SLC2A7: variants seen among roughly 807,000 people sequenced by gnomAD.
The protein encoded by SLC2A7 is solute carrier family 2, facilitated glucose transporter member 7.
In SLC2A7, 50 loss-of-function variants were observed where a neutral mutation model predicts 50.5. The observed-to-expected ratio is 0.99, with a 90% CI of 0.79 to 1.25. The LOEUF (loss-of-function observed/expected upper bound fraction) is 1.25, where lower values mean the gene tolerates loss of function less well. Ranked by LOEUF, SLC2A7 falls within the 50% of genes most tolerant of loss-of-function variation. SLC2A7 has a pLI of 0.00. For synonymous variants in SLC2A7, 308 were observed against 300.4 expected (o/e 1.03, Z -0.26); for missense variants, 683 against 679.1 (o/e 1.01, Z -0.06).
chr1:9,022,494 C>T (rs1640925479), intron 3 of SLC2A7, among the ~76,000 whole-genome samples: 1 of 152,148 alleles, frequency 6.6e-6, no homozygotes, highest in Non-Finnish European at 1.5e-5. Flanking sequence ...CTCAGCCTGA[C>T]CCCAGCCTCA....
Position 9,022,960 on chromosome 1 carries a change from A to G in SLC2A7, c.269T>C (p.Leu90Ser), listed in dbSNP as rs747382381. The change falls in exon 3 of 12, where the codon TTG (leucine) becomes TCG (serine). Residue 90 changes from leucine (L) to serine (S), a missense_variant. Coordinates refer to ENST00000400906, the MANE Select transcript of SLC2A7 (RefSeq NM_207420.3). ...CAGCAGGCCCACGAGCAATGACCCCAACAGGCCGCCCAGAGGAAACATGGA... is the reference window on the plus strand; with the variant it reads ...CAGCAGGCCCACGAGCAATGACCCCGACAGGCCGCCCAGAGGAAACATGGA... The part of the protein sequence containing the change: ...TVSMFPLGGL[L>S]GSLLVGLLVD... The G allele has an allele frequency of 7.4e-6, 12 of 1,614,066 alleles. No homozygotes were observed. Among genetic ancestry groups the G allele is most frequent in the Non-Finnish European group, 1.0e-5 (12 of 1,180,028 alleles).
the SLC2A7 span, among the ~76,000 whole-genome samples, chr1:8,996,198 C>T: frequency 1.3e-5 from 2 of 152,026 alleles, no homozygotes; most frequent in Non-Finnish European, 2.9e-5. Flanking sequence ...GTTTCCCCAG[C>T]GAAACACTGA....
At chr1:9,020,627 G>GA (rs1273439458) in intron 3 of SLC2A7, among the ~76,000 whole-genome samples, 2 of 148,806 alleles carry the variant, frequency 1.3e-5, no homozygotes, top group Non-Finnish European at 3.0e-5. Context: ...AGAGGGCAGA[G>GA]AGCTCCCGAG....
chr1:9,024,278 T>C (rs1295035451), intron 2 of SLC2A7, among the ~76,000 whole-genome samples: 1 of 152,206 alleles, frequency 6.6e-6, no homozygotes, highest in Admixed American at 6.5e-5. Context: ...TGTGTTAGCA[T>C]TAAATGTGAT....
At chr1:9,004,644 G>A in intron 11 of SLC2A7, 108 bp downstream of exon 11, 1 of 1,401,002 alleles carries the variant, frequency 7.1e-7, no homozygotes, top group Admixed American at 1.8e-5. Context: ...ATGTGTCTGA[G>A]AGCCTGTCCC....
chr1:9,007,596 G>A (rs1400917815), intron 9 of SLC2A7, among the ~76,000 whole-genome samples: 1 of 152,228 alleles, frequency 6.6e-6, no homozygotes, highest in African/African-American at 2.4e-5. Context: ...AGCCTCACCT[G>A]ATGAGCGTCA....
chr1:9,001,395 T>C (rs1640569754), downstream of SLC2A7, among the ~76,000 whole-genome samples: 1 of 150,444 alleles, frequency 6.6e-6, no homozygotes, highest in South Asian at 2.1e-4. Context: ...GGGAGTGACA[T>C]GGTCAGGCCT....
At chr1:9,016,047 C>A (rs1640825815) in intron 5 of SLC2A7, among the ~76,000 whole-genome samples, 1 of 152,150 alleles carries the variant, frequency 6.6e-6, no homozygotes, top group African/African-American at 2.4e-5. Context: ...TGTCTCTGAG[C>A]CTCAGGCAAG....
chr1:9,015,366 G>C, intron 5 of SLC2A7, 124 bp from the exon 6 acceptor site: 1 of 1,258,010 alleles, frequency 7.9e-7, no homozygotes, highest in Non-Finnish European at 1.1e-6. Context: ...TTCTCACCAG[G>C]GTACTCCTAC....
downstream of SLC2A7, among the ~76,000 whole-genome samples, chr1:8,999,160 T>C (rs1033248613): frequency 4.6e-5 from 7 of 152,184 alleles, no homozygotes; most frequent in African/African-American, 1.7e-4. Context: ...ATTTCTTTTT[T>C]GTTTTTTTGC....
intron 10 of SLC2A7, among the ~76,000 whole-genome samples, chr1:9,005,735 G>C (rs1447479559): frequency 7.0e-6 from 1 of 143,142 alleles, no homozygotes; most frequent in Non-Finnish European, 1.5e-5. Context: ...GAACTCGGGA[G>C]ATGGAGGTTG....
At chr1:9,018,078 G>T (rs971758716) in intron 5 of SLC2A7, 145 bp downstream of exon 5, 3 of 1,097,020 alleles carry the variant, frequency 2.7e-6, no homozygotes, top group Non-Finnish European at 3.8e-6. Flanking sequence ...CCCCGACCAC[G>T]TCACCCATCC....
downstream of SLC2A7, among the ~76,000 whole-genome samples, chr1:9,002,891 C>T (rs571803326): frequency 6.6e-6 from 1 of 152,204 alleles, no homozygotes; most frequent in Non-Finnish European, 1.5e-5. Context: ...GAAAGGAAGC[C>T]ACGTCGCCAG....
intron 3 of SLC2A7, among the ~76,000 whole-genome samples, chr1:9,020,983 T>G (rs1239210374): frequency 6.6e-6 from 1 of 152,194 alleles, no homozygotes; most frequent in Non-Finnish European, 1.5e-5. Context: ...GCCATGATTG[T>G]GAGGCTTTCC....
chr1:9,022,582 A>G (rs1306747423), intron 3 of SLC2A7, among the ~76,000 whole-genome samples: 1 of 152,146 alleles, frequency 6.6e-6, no homozygotes. Flanking sequence ...TGACCCCGGA[A>G]TGAAACCTGA....
intron 8 of SLC2A7, among the ~76,000 whole-genome samples, chr1:9,010,460 G>T (rs1490333968): frequency 6.6e-6 from 1 of 152,184 alleles, no homozygotes; most frequent in Non-Finnish European, 1.5e-5. Flanking sequence ...CCAGGTTCAA[G>T]TGATTCTCCT....
intron 7 of SLC2A7, among the ~76,000 whole-genome samples, chr1:9,014,154 C>T (rs766060229): frequency 1.9e-4 from 29 of 152,250 alleles, no homozygotes; most frequent in African/African-American, 6.8e-4. Context: ...GAGGCCAAGG[C>T]CACCTCTTCC....
chr1:9,023,129 A>G, intron 2 of SLC2A7, 51 bp from the exon 3 acceptor site: 1 of 1,578,782 alleles, frequency 6.3e-7, no homozygotes, highest in South Asian at 1.2e-5. Context: ...AGTTCATGAG[A>G]AATGAGAAAG....
intron 10 of SLC2A7, among the ~76,000 whole-genome samples, chr1:9,006,766 G>A (rs1442031272): frequency 1.3e-5 from 2 of 152,208 alleles, no homozygotes; most frequent in Non-Finnish European, 2.9e-5. Flanking sequence ...GCAGGGAGAA[G>A]GAGGTTCAAT....
Sources: gnomAD v4.1 joint callset for allele counts (sites outside exome capture counted in the v4.1 genomes callset) on GRCh38, gnomAD v4.1.1 for gene constraint, MANE v1.5 for transcripts, NCBI Gene and HGNC (gene_info 2026-07-23, HGNC 2026-07-21) for gene names.